ASB3: variants seen among roughly 807,000 people sequenced by gnomAD.
ASB3 encodes ankyrin repeat and SOCS box protein 3.
A neutral mutation model predicts 54.5 loss-of-function variants in ASB3; 41 were observed. That is an observed-to-expected ratio of 0.75 (90% confidence interval 0.59 to 0.98). The LOEUF (loss-of-function observed/expected upper bound fraction) is 0.98, where lower values mean the gene tolerates loss of function less well. ASB3 is among the 50% of genes least tolerant of loss of function. The probability of loss-of-function intolerance (pLI) is 0.00; values close to 1 mark genes in which losing one functional copy is unlikely to be tolerated. For missense variants in ASB3, 733 were observed against 620.0 expected (o/e 1.18, Z -1.94); for synonymous variants, 266 against 221.2 (o/e 1.20, Z -1.80).
chr2:53,724,840 T>G (rs1035998815), intron 5 of ASB3, among the ~76,000 whole-genome samples: 3 of 152,138 alleles, frequency 2.0e-5, no homozygotes, highest in African/African-American at 7.2e-5. Context: ...TTGGTGGGAA[T>G]GTAAATTAGT....
intron 3 of ASB3, among the ~76,000 whole-genome samples, chr2:53,744,458 T>C (rs1307361121): frequency 6.6e-6 from 1 of 151,812 alleles, no homozygotes; most frequent in Non-Finnish European, 1.5e-5. Flanking sequence ...ACCATAAAAC[T>C]AAAAAAACAA....
At position 53,670,329 on chromosome 2, in the gene ASB3, C is replaced by A. The variant is rs1328203445; in HGVS notation, c.*174G>T. Reference sequence around the variant, plus strand: ...TTTTTTTTTTTTTTTACTGGGAAGGCTAGTTGTAAACATAAACATTCTCAC... The same window carrying A: ...TTTTTTTTTTTTTTTACTGGGAAGGATAGTTGTAAACATAAACATTCTCAC... On this transcript the variant is annotated 3_prime_UTR_variant, in exon 10 of 10. Transcript: ENST00000263634. The A allele has an allele frequency of 2.9e-5, 7 of 240,518 alleles. No homozygotes were observed. The highest frequency in any genetic ancestry group is 4.9e-5 in the Non-Finnish European group (7 of 142,200). The allele number at this position is 240,518 out of a possible 1,614,324, so 14.9% of individuals were successfully genotyped here.
Position 53,716,553 on chromosome 2 carries a change from T to G in ASB3, c.782+13A>C, listed in dbSNP as rs771918633. 6 of 1,607,262 alleles carry G rather than the reference T, an allele frequency of 3.7e-6. No homozygotes were observed. In the South Asian group the frequency reaches 6.6e-5, roughly 18 times the overall value. On this transcript the variant is annotated intron_variant, in intron 6 of 9. Coordinates refer to ENST00000263634, the MANE Select transcript of ASB3 (RefSeq NM_016115.5). ...TTAAGAGACCATGTTTATTTTCTGT[T>G]TTTAACACTTACTTTGTATGGCCCA...
chr2:53,678,187 T>C (rs1048762125), intron 9 of ASB3, among the ~76,000 whole-genome samples: 2 of 152,034 alleles, frequency 1.3e-5, no homozygotes, highest in African/African-American at 4.8e-5. Flanking sequence ...TTTACTATCT[T>C]GGTAAATTAC....
intron 5 of ASB3, among the ~76,000 whole-genome samples, chr2:53,723,502 T>C (rs576818717): frequency 6.6e-6 from 1 of 152,088 alleles, no homozygotes; most frequent in East Asian, 1.9e-4. Context: ...TTTCCCTGAG[T>C]CCCTGAAGTG....
chr2:53,727,176 G>A (rs1057006865), intron 5 of ASB3, among the ~76,000 whole-genome samples: 1 of 152,186 alleles, frequency 6.6e-6, no homozygotes, highest in Non-Finnish European at 1.5e-5. Flanking sequence ...AAACGATTAT[G>A]TTTGAACAGA....
chr2:53,722,415 C>A (rs1408331942), intron 5 of ASB3, among the ~76,000 whole-genome samples: 1 of 152,058 alleles, frequency 6.6e-6, no homozygotes, highest in East Asian at 1.9e-4. Context: ...AACATAGATA[C>A]AAAAATTCTC....
chr2:53,712,677 CAGA>C (rs1670165726), intron 7 of ASB3, among the ~76,000 whole-genome samples: 1 of 152,010 alleles, frequency 6.6e-6, no homozygotes, highest in African/African-American at 2.4e-5. Flanking sequence ...CTGCTGTGAC[CAGA>C]AGGACCAAAA....
At chr2:53,777,846 A>T (rs1479088944) in intron 1 of ASB3, among the ~76,000 whole-genome samples, 1 of 152,138 alleles carries the variant, frequency 6.6e-6, no homozygotes, top group African/African-American at 2.4e-5. Context: ...AACATTTTTT[A>T]AAAAGTGTAA....
intron 2 of ASB3, among the ~76,000 whole-genome samples, chr2:53,755,472 C>G (rs993088855): frequency 6.6e-6 from 1 of 152,168 alleles, no homozygotes; most frequent in Non-Finnish European, 1.5e-5. Flanking sequence ...AGTATTAAGA[C>G]CAGAATATTT....
intron 9 of ASB3, among the ~76,000 whole-genome samples, chr2:53,691,502 T>A (rs1668908958): frequency 6.6e-6 from 1 of 152,126 alleles, no homozygotes; most frequent in Admixed American, 6.6e-5. Context: ...GATAAGTTAT[T>A]GGAGGAAGAG....
chr2:53,734,922 T>G (rs1166254716), intron 3 of ASB3, among the ~76,000 whole-genome samples: 1 of 149,222 alleles, frequency 6.7e-6, no homozygotes, highest in Non-Finnish European at 1.5e-5. Context: ...ATACAAGTTT[T>G]TTTTTTTTTT....
Position 53,691,570 on chromosome 2 carries a change from G to T in ASB3, c.1369+2314C>A, listed in dbSNP as rs528591041. Reference sequence around the variant, plus strand: ...GGTTAATCAAAGAGTTGTCCTGCTGGGTTTGAGCCCATTAGTATTAAAACC... The same window carrying T: ...GGTTAATCAAAGAGTTGTCCTGCTGTGTTTGAGCCCATTAGTATTAAAACC... On this transcript the variant is annotated intron_variant, in intron 9 of 9. Transcript: ENST00000263634. 3.9e-5 allele frequency among the ~76,000 whole-genome samples: 6 copies of T among 152,136 alleles called. No individual in the cohort carries two copies. In the East Asian group the frequency reaches 5.8e-4, roughly 15 times the overall value.
intron 3 of ASB3, among the ~76,000 whole-genome samples, chr2:53,732,115 T>A (rs796401310): frequency 2.0e-5 from 3 of 151,934 alleles, no homozygotes; most frequent in African/African-American, 7.3e-5. Context: ...TGCACCACCA[T>A]GTCTGGCTAA....
chr2:53,685,162 T>A (rs1372254924), intron 9 of ASB3, among the ~76,000 whole-genome samples: 1 of 152,184 alleles, frequency 6.6e-6, no homozygotes, highest in African/African-American at 2.4e-5. Flanking sequence ...TTAAGGGGCA[T>A]GGTATATTCA....
chr2:53,698,276 A>G (rs1669296415), intron 8 of ASB3, among the ~76,000 whole-genome samples: 1 of 152,156 alleles, frequency 6.6e-6, no homozygotes, highest in Non-Finnish European at 1.5e-5. Flanking sequence ...GATCTCTGGA[A>G]TGCCTTCAAG....
chr2:53,703,349 C>G (rs995953376), intron 7 of ASB3, among the ~76,000 whole-genome samples: 8 of 152,196 alleles, frequency 5.3e-5, no homozygotes, highest in African/African-American at 9.7e-5. Context: ...TTTCCATCAT[C>G]CCTGGGAGTG....
At chr2:53,763,783 C>T (rs887266493) in intron 2 of ASB3, among the ~76,000 whole-genome samples, 1 of 152,190 alleles carries the variant, frequency 6.6e-6, no homozygotes, top group Non-Finnish European at 1.5e-5. Context: ...AAACTCATGT[C>T]TTTGTTACTA....
intron 5 of ASB3, among the ~76,000 whole-genome samples, chr2:53,726,276 T>G (rs1558541696): frequency 6.7e-6 from 1 of 149,722 alleles, no homozygotes; most frequent in African/African-American, 2.4e-5. Context: ...TTTTTTTTTT[T>G]GGGAGACGGA....
Sources: gnomAD v4.1 joint callset for allele counts (sites outside exome capture counted in the v4.1 genomes callset) on GRCh38, gnomAD v4.1.1 for gene constraint, MANE v1.5 for transcripts, NCBI Gene and HGNC (gene_info 2026-07-23, HGNC 2026-07-21) for gene names.